CNIH3: variants seen among roughly 807,000 people sequenced by gnomAD.
The protein encoded by CNIH3 is protein cornichon homolog 3.
A neutral mutation model predicts 24.1 loss-of-function variants in CNIH3; 14 were observed. That is an observed-to-expected ratio of 0.58 (90% CI 0.38 to 0.91). The LOEUF (loss-of-function observed/expected upper bound fraction) is 0.91, where lower values mean the gene tolerates loss of function less well. Ranked by LOEUF, CNIH3 falls within the 40% of genes least tolerant of loss-of-function variation. The pLI is 0.00. For missense variants in CNIH3, 178 were observed against 196.8 expected, an observed-to-expected ratio of 0.90 and a Z score of 0.57; for synonymous variants, 68 against 73.8, an observed-to-expected ratio of 0.92 and a Z score of 0.40.
At chr1:224,503,597 C>T (rs1230729063) in intron 1 of CNIH3, among the ~76,000 whole-genome samples, 2 of 152,184 alleles carry the variant, frequency 1.3e-5, no homozygotes, top group Non-Finnish European at 2.9e-5. Flanking sequence ...CTCAGGCCTG[C>T]ACAGGGGCGG....
At chr1:224,590,157 G>A (rs1402651539), downstream of CNIH3, among the ~76,000 whole-genome samples, 1 of 152,122 alleles carries the variant, frequency 6.6e-6, no homozygotes, top group African/African-American at 2.4e-5. Flanking sequence ...TTACAGACGC[G>A]AGCCATCACA....
chr1:224,637,118 A>AT (rs1177559584), intron 1 of CNIH3, among the ~76,000 whole-genome samples: 3 of 151,314 alleles, frequency 2.0e-5, no homozygotes, highest in African/African-American at 7.3e-5. Flanking sequence ...CGCCTGGCTA[A>AT]TTTTTTTTGT....
intron 4 of CNIH3, among the ~76,000 whole-genome samples, chr1:224,566,881 C>T (rs776163355): frequency 6.6e-6 from 1 of 152,154 alleles, no homozygotes; most frequent in Non-Finnish European, 1.5e-5. Context: ...TGGGTATATA[C>T]CCAGTAATGG....
At chr1:224,486,882 CA>C (rs1194008199) in intron 1 of CNIH3, among the ~76,000 whole-genome samples, 1 of 152,198 alleles carries the variant, frequency 6.6e-6, no homozygotes. Context: ...ATGACAGATG[CA>C]GCATTGCTGT....
At chr1:224,453,352 C>G (rs886879698) in intron 1 of CNIH3, among the ~76,000 whole-genome samples, 3 of 151,488 alleles carry the variant, frequency 2.0e-5, no homozygotes, top group African/African-American at 7.3e-5. Context: ...GCCATTTTTT[C>G]TTTTTTCTTT....
intron 4 of CNIH3, among the ~76,000 whole-genome samples, chr1:224,582,723 C>T (rs1681329936): frequency 6.6e-6 from 1 of 152,176 alleles, no homozygotes; most frequent in African/African-American, 2.4e-5. Flanking sequence ...TCTAAAGAGG[C>T]TGAGACCTGC....
chr1:224,706,723 C>G (rs1687830442), intron 3 of CNIH3, among the ~76,000 whole-genome samples: 1 of 152,170 alleles, frequency 6.6e-6, no homozygotes, highest in Non-Finnish European at 1.5e-5. Flanking sequence ...AGAGAGAGAC[C>G]TGCCTCAATG....
chr1:224,696,141 C>T (rs1287240823), intron 3 of CNIH3, among the ~76,000 whole-genome samples: 1 of 152,170 alleles, frequency 6.6e-6, no homozygotes, highest in Non-Finnish European at 1.5e-5. Flanking sequence ...ACAAAGCTGT[C>T]TAGAGACCCA....
chr1:224,717,650 G>A lies in CNIH3; in HGVS notation c.199-12812G>A, dbSNP rs558582470. 20 of 152,322 alleles carry A rather than the reference G, an allele frequency of 1.3e-4. No homozygotes were observed. The Middle Eastern group carries it at 0.013, about 102-fold the overall frequency. 9.4% of individuals were successfully genotyped at this position (152,322 alleles called of 1,614,324 possible). On this transcript the variant is annotated intron_variant, in intron 3 of 5. Transcript: ENST00000272133. ...GTTTATCTCTCCCGATCTATTGTAA[G>A]GTCTTTGCTGGGCCTCCTGCCATAT...
chr1:224,559,612 A>G (rs948388591), intron 3 of CNIH3, among the ~76,000 whole-genome samples: 1 of 152,148 alleles, frequency 6.6e-6, no homozygotes, highest in Non-Finnish European at 1.5e-5. Context: ...ACCTCAAGCA[A>G]TACTCCCACA....
chr1:224,508,388 G>A (rs1357320267), intron 1 of CNIH3, among the ~76,000 whole-genome samples: 2 of 152,104 alleles, frequency 1.3e-5, no homozygotes, highest in African/African-American at 4.8e-5. Flanking sequence ...TAGCACAGTT[G>A]GATTTTATAC....
rs1456950761 is a variant in CNIH3, at chr1:224,703,535, G to A, written c.198+18692G>A. ...TCAGTGCCCTAGGGAGCATTTTGCA[G>A]TGTTAGTTATCATGGTTAGGGCGCT... is the stretch of plus-strand genomic sequence containing the variant. On this transcript the variant is annotated intron_variant, in intron 3 of 5. Transcript: ENST00000272133. This position sits in a 1 kb window ranked among gnomAD's most constrained non-coding sequence, Gnocchi z 4.2. 6.6e-6 allele frequency among the ~76,000 whole-genome samples: 1 copy of A among 152,180 alleles called. No homozygotes were observed. Among genetic ancestry groups the A allele is most frequent in the Non-Finnish European group, 1.5e-5 (1 of 68,034 alleles).
intron 1 of CNIH3, among the ~76,000 whole-genome samples, chr1:224,436,044 A>G (rs1674647788): frequency 6.6e-6 from 1 of 152,214 alleles, no homozygotes; most frequent in South Asian, 2.1e-4. Context: ...GCTGATGAGA[A>G]ATTAGTAAAG....
chr1:224,666,740 T>C (rs973858655), intron 1 of CNIH3, among the ~76,000 whole-genome samples: 2 of 152,224 alleles, frequency 1.3e-5, no homozygotes, highest in African/African-American at 4.8e-5. Context: ...TAGTAGTTGA[T>C]TCCACATTTG....
chr1:224,720,252 C>CTTTTTTTTTTTTT (rs10625559), intron 3 of CNIH3, among the ~76,000 whole-genome samples: 1 of 142,084 alleles, frequency 7.0e-6, no homozygotes, highest in Non-Finnish European at 1.5e-5. Context: ...GGATAGTCAT[C>CTTTTTTTTTTTTT]TTTTTTTTTT....
At chr1:224,441,907 TTAAC>T (rs1674931253) in intron 1 of CNIH3, among the ~76,000 whole-genome samples, 1 of 151,990 alleles carries the variant, frequency 6.6e-6, no homozygotes, top group Admixed American at 6.6e-5. Flanking sequence ...ATGTCAGTCA[TTAAC>T]AACAAAAAGC....
chr1:224,729,966 A>AT (rs1400569321), intron 3 of CNIH3, among the ~76,000 whole-genome samples: 1 of 152,070 alleles, frequency 6.6e-6, no homozygotes, highest in Non-Finnish European at 1.5e-5. Flanking sequence ...GAGGCTGGCC[A>AT]TTTTTTCCTG....
At chr1:224,648,501 T>C (rs1684722394) in intron 1 of CNIH3, among the ~76,000 whole-genome samples, 1 of 152,044 alleles carries the variant, frequency 6.6e-6, no homozygotes, top group Non-Finnish European at 1.5e-5. Context: ...AGGGAGAATA[T>C]TTTCTGCTCA....
chr1:224,478,975 G>T (rs1027511237), intron 1 of CNIH3, among the ~76,000 whole-genome samples: 1 of 151,816 alleles, frequency 6.6e-6, no homozygotes, highest in Non-Finnish European at 1.5e-5. Flanking sequence ...AGACCTGCCC[G>T]CATGATTCAA....
Sources: gnomAD v4.1 joint callset for allele counts (sites outside exome capture counted in the v4.1 genomes callset) on GRCh38, gnomAD v4.1.1 for gene constraint, Gnocchi (gnomAD v3.1) non-coding constraint, MANE v1.5 for transcripts, NCBI Gene and HGNC (gene_info 2026-07-23, HGNC 2026-07-21) for gene names.